The following CSMD1 variants were observed in gnomAD, a reference collection of about 807,000 sequenced individuals.
CSMD1 encodes CUB and sushi domain-containing protein 1.
A neutral mutation model predicts 417.5 loss-of-function variants in CSMD1; 213 were observed. The observed-to-expected ratio is 0.51, with a 90% CI of 0.46 to 0.57. CSMD1 has a LOEUF of 0.57. Ranked by LOEUF, CSMD1 falls within the 20% of genes least tolerant of loss-of-function variation. The pLI, the probability that CSMD1 is intolerant of heterozygous loss-of-function variation, is 0.00. For synonymous variants in CSMD1, 2,862 were observed against 1,736.8 expected, an observed-to-expected ratio of 1.65 and a Z score of -16.11; for missense variants, 6,923 against 4,529.7, an observed-to-expected ratio of 1.53 and a Z score of -15.17.
chr8:3,661,544 T>C (rs1189034219), intron 7 of CSMD1, among the ~76,000 whole-genome samples: 3 of 152,122 alleles, frequency 2.0e-5, no homozygotes, highest in South Asian at 2.1e-4. Context: ...TCACCCAGGC[T>C]GCAGTGCGGT....
At chr8:4,920,117 G>C (rs1270315611) in intron 1 of CSMD1, among the ~76,000 whole-genome samples, 1 of 152,172 alleles carries the variant, frequency 6.6e-6, no homozygotes, top group African/African-American at 2.4e-5. Context: ...AATCAAGGTA[G>C]GTTATCATGA....
Position 3,387,496 on chromosome 8 carries a change from T to A in CSMD1, c.2780A>T (p.Asp927Val). 6.3e-7 allele frequency: 1 copy of A among 1,596,894 alleles called. No individual in the cohort carries two copies. Among genetic ancestry groups the A allele is most frequent in the Non-Finnish European group, 8.5e-7 (1 of 1,171,538 alleles). Residue 927 changes from aspartate to valine, a missense_variant and splice_region_variant, in exon 18 of 70, where the codon GAC becomes GTC. Physicochemically the swap from Asp to Val is radical, Grantham distance 152. Transcript: ENST00000635120. Reference protein sequence around the residue: ...HQWNHALPSCDALCGGYIQGK... With the variant: ...HQWNHALPSCVALCGGYIQGK... ...TTGCCTCACTGAGCTGTACCTACCG[T>A]CGCAGCTGGGCAAGGCGTGGTTCCA...
At chr8:3,268,926 A>G (rs1801636134) in intron 26 of CSMD1, among the ~76,000 whole-genome samples, 1 of 152,116 alleles carries the variant, frequency 6.6e-6, no homozygotes, top group African/African-American at 2.4e-5. Flanking sequence ...TCCAGCTAGT[A>G]TTTTTTATAG....
intron 3 of CSMD1, among the ~76,000 whole-genome samples, chr8:4,142,220 A>G (rs959963942): frequency 2.0e-5 from 3 of 151,202 alleles, no homozygotes; most frequent in Non-Finnish European, 2.9e-5. Flanking sequence ...ATATTTAGCC[A>G]AATTATAGTG....
rs531337494 is a variant in CSMD1, at chr8:3,904,419, C to G, written c.818+93484G>C. On this transcript the variant is annotated intron_variant, in intron 5 of 69. Transcript: ENST00000635120. ...TTGCAATGGACCTATGTTAGTGCTT[C>G]TCAAACTTGAGTGTGTCTAGGAATG... Among the ~76,000 whole-genome samples the G allele has an allele frequency of 2.3e-4, 35 of 152,228 alleles. 2 individuals carry two copies. In the South Asian group the frequency reaches 4.6e-3, roughly 20 times the overall value.
chr8:4,047,753 G>C (rs1463053102), intron 3 of CSMD1, among the ~76,000 whole-genome samples: 1 of 151,574 alleles, frequency 6.6e-6, no homozygotes, highest in Admixed American at 6.6e-5. Context: ...AAGAGAAAAT[G>C]GTATTTTTTT....
chr8:4,175,268 T>C (rs550703437), intron 3 of CSMD1, among the ~76,000 whole-genome samples: 6 of 152,276 alleles, frequency 3.9e-5, no homozygotes, highest in Admixed American at 6.5e-5. Context: ...TATATTTAAT[T>C]ATCTCTGCTG....
At chr8:4,651,460 T>C (rs1803891603) in intron 1 of CSMD1, among the ~76,000 whole-genome samples, 1 of 152,150 alleles carries the variant, frequency 6.6e-6, no homozygotes, top group South Asian at 2.1e-4. Context: ...ATTATAGTCA[T>C]ATACTGGTGG....
At chr8:3,309,648 G>A (rs773083434) in intron 23 of CSMD1, among the ~76,000 whole-genome samples, 3 of 152,164 alleles carry the variant, frequency 2.0e-5, no homozygotes, top group Non-Finnish European at 4.4e-5. Context: ...AAACTTGAGG[G>A]ACCACATGGT....
intron 2 of CSMD1, among the ~76,000 whole-genome samples, chr8:4,627,392 G>A (rs1182324296): frequency 1.3e-5 from 2 of 151,998 alleles, no homozygotes; most frequent in African/African-American, 4.8e-5. Flanking sequence ...TAATATGGAT[G>A]GTTTCCCACT....
intron 1 of CSMD1, among the ~76,000 whole-genome samples, chr8:4,829,971 A>T (rs1277346552): frequency 6.6e-6 from 1 of 152,066 alleles, no homozygotes; most frequent in Non-Finnish European, 1.5e-5. Flanking sequence ...TTTGCTTACA[A>T]ACATATCGGA....
intron 6 of CSMD1, among the ~76,000 whole-genome samples, chr8:3,730,842 A>C (rs76012602): frequency 6.6e-6 from 1 of 152,212 alleles, no homozygotes; most frequent in Non-Finnish European, 1.5e-5. Flanking sequence ...GCCAGATATT[A>C]GGAAATTATG....
intron 30 of CSMD1, among the ~76,000 whole-genome samples, chr8:3,210,295 G>T (rs573014319): frequency 2.0e-5 from 3 of 152,048 alleles, no homozygotes; most frequent in African/African-American, 7.2e-5. Context: ...TCCATTTGGG[G>T]AAATCAGTGT....
chr8:4,075,680 C>G (rs550575137), intron 3 of CSMD1, among the ~76,000 whole-genome samples: 6 of 152,232 alleles, frequency 3.9e-5, no homozygotes, highest in African/African-American at 1.4e-4. Context: ...TTTTGGAGCA[C>G]TGGATTCATT....
At chr8:4,696,969 C>G (rs1186563568) in intron 1 of CSMD1, among the ~76,000 whole-genome samples, 3 of 152,066 alleles carry the variant, frequency 2.0e-5, no homozygotes, top group South Asian at 4.1e-4. Flanking sequence ...GTCAGCAGTT[C>G]AAGACCAGCC....
rs554319345 is a variant in CSMD1, at chr8:4,363,784, A to G, written c.415+56169T>C. 2.0e-5 allele frequency among the ~76,000 whole-genome samples: 3 copies of G among 152,336 alleles called. No homozygotes were observed. In the East Asian group the frequency reaches 5.8e-4, roughly 29 times the overall value. On this transcript the variant is annotated intron_variant, in intron 3 of 69. Coordinates refer to ENST00000635120, the MANE Select transcript of CSMD1 (RefSeq NM_033225.6). ...ATGGCTGAATAGTACTCCACTATGTATATGTATCTCATTTTCTTTATAAAT... is the reference window on the plus strand; with the variant it reads ...ATGGCTGAATAGTACTCCACTATGTGTATGTATCTCATTTTCTTTATAAAT...
At chr8:4,332,051 T>C (rs564989326) in intron 3 of CSMD1, among the ~76,000 whole-genome samples, 44 of 152,266 alleles carry the variant, frequency 2.9e-4, no homozygotes, top group African/African-American at 1.0e-3. Context: ...TTTTTATTTT[T>C]TATCTTATCA....
intron 2 of CSMD1, among the ~76,000 whole-genome samples, chr8:4,430,493 C>T (rs1156228466): frequency 3.9e-5 from 6 of 152,036 alleles, no homozygotes; most frequent in East Asian, 1.9e-4. Context: ...TCATAATTTG[C>T]ACTAAACAAA....
chr8:4,480,907 G>A (rs1383086442), intron 2 of CSMD1, among the ~76,000 whole-genome samples: 3 of 152,130 alleles, frequency 2.0e-5, no homozygotes, highest in Non-Finnish European at 4.4e-5. Flanking sequence ...ATCCCTAGTT[G>A]TTGAGTTCAT....
Sources: allele counts gnomAD v4.1 joint callset (sites outside exome capture counted in the v4.1 genomes callset), GRCh38; gene constraint gnomAD v4.1.1; transcripts MANE v1.5; gene names NCBI Gene and HGNC (gene_info 2026-07-23, HGNC 2026-07-21).